Variants in VPS13C observed in about 807,000 individuals in gnomAD.
VPS13C encodes the protein intermembrane lipid transfer protein VPS13C.
Under a neutral mutation model 456.8 loss-of-function variants are expected in VPS13C, and 358 were observed. That is an observed-to-expected ratio of 0.78 (90% CI 0.72 to 0.86). The LOEUF (loss-of-function observed/expected upper bound fraction) is 0.86, where lower values mean the gene tolerates loss of function less well. Among genes scored for constraint, VPS13C ranks in the 40% least tolerant of loss-of-function variants. The probability of loss-of-function intolerance (pLI) is 0.00; values close to 1 mark genes in which losing one functional copy is unlikely to be tolerated. For missense variants in VPS13C, 4,818 were observed against 4,385.4 expected, an observed-to-expected ratio of 1.10 and a Z score of -2.79; for synonymous variants, 1,578 against 1,486.7, an observed-to-expected ratio of 1.06 and a Z score of -1.41.
At chr15:61,961,394 AACACACACACACACACACACACAC>A (rs66786972) in intron 35 of VPS13C, among the ~76,000 whole-genome samples, 171 bp downstream of exon 35, 2 of 132,614 alleles carry the variant, frequency 1.5e-5, no homozygotes, top group African/African-American at 5.9e-5. Context: ...TCCAACTCAA[AACACACACACACACACACACACAC>A]ACACACACAC....
chr15:62,035,914 C>T (rs774106908), intron 3 of VPS13C, among the ~76,000 whole-genome samples: 1 of 151,934 alleles, frequency 6.6e-6, no homozygotes, highest in Non-Finnish European at 1.5e-5. Context: ...TCAGGGAAGA[C>T]AAGAGAAGAC....
At position 61,991,029 on chromosome 15, in the gene VPS13C, T is replaced by A; in HGVS notation, c.1549A>T (p.Ser517Cys). ...TTAGGTAAAGTTAGGTTGTGGGTAC[T>A]CTCACTATAACCAATGGCAGTGAAG... ...KLFTAIGYSE[S>C]THNLTLPKQY... Residue 517 changes from serine (S) to cysteine (C), a missense_variant, in exon 18 of 85, where the codon AGT becomes TGT. Physicochemically the swap from Ser to Cys is moderately radical, Grantham distance 112. Coordinates refer to ENST00000644861, the MANE Select transcript of VPS13C (RefSeq NM_020821.3). The A allele has an allele frequency of 6.2e-7, 1 of 1,612,820 alleles. No individual in the cohort carries two copies. Among genetic ancestry groups the A allele is most frequent in the Non-Finnish European group, 8.5e-7 (1 of 1,179,508 alleles).
chr15:61,975,266 A>C (rs2045671089), intron 24 of VPS13C, among the ~76,000 whole-genome samples: 1 of 152,148 alleles, frequency 6.6e-6, no homozygotes. Context: ...AAAAGAAAGA[A>C]ATAATAAATA....
At position 61,855,008 on chromosome 15, in the gene VPS13C, T is replaced by A. The variant is rs2241492; in HGVS notation, c.11077-54A>T. Reference sequence around the variant, plus strand: ...GAAATTATTCTGAGGAAGAAAAAAATTCCTAACTTTTAATTGTATACTTAA... The same window carrying A: ...GAAATTATTCTGAGGAAGAAAAAAAATCCTAACTTTTAATTGTATACTTAA... On this transcript the variant is annotated intron_variant, in intron 83 of 84. Coordinates refer to ENST00000644861, the MANE Select transcript of VPS13C (RefSeq NM_020821.3). The A allele has an allele frequency of 0.38, 557,091 of 1,469,650 alleles. 106,267 individuals are homozygous for A. Among genetic ancestry groups the A allele is most frequent in the Admixed American group, 0.45 (18,720 of 41,748 alleles). The allele number at this position is 1,469,650 out of a possible 1,614,324, so 91.0% of individuals were successfully genotyped here.
chr15:62,033,235 C>T (rs756677474), intron 5 of VPS13C, among the ~76,000 whole-genome samples: 15 of 151,210 alleles, frequency 9.9e-5, no homozygotes, highest in African/African-American at 9.7e-5. Context: ...ATCAAATTGG[C>T]AACATGATAA....
At chr15:61,941,676 A>C (rs2140258989) in intron 46 of VPS13C, 87 bp downstream of exon 46, 1 of 1,397,848 alleles carries the variant, frequency 7.2e-7, no homozygotes, top group African/African-American at 1.4e-5. Context: ...GAAAACCACA[A>C]ATTACTACAA....
intron 78 of VPS13C, among the ~76,000 whole-genome samples, chr15:61,872,481 G>A (rs1369593951): frequency 6.6e-6 from 1 of 151,874 alleles, no homozygotes; most frequent in Non-Finnish European, 1.5e-5. Context: ...GCCCTCCCAG[G>A]GACAGGTAAT....
At chr15:61,933,895 A>T (rs932898078) in intron 49 of VPS13C, among the ~76,000 whole-genome samples, 1 of 152,058 alleles carries the variant, frequency 6.6e-6, no homozygotes, top group Non-Finnish European at 1.5e-5. Context: ...ACATATATAT[A>T]TAGCTATGTA....
In VPS13C at chr15:61,860,503, T is replaced by C. The variant is rs558249169; in HGVS notation, c.10952+2937A>G. ...CTTTTAAAATTTTATTCTAATAAAA[T>C]AATAGAAAAAGATTTGGTTACAAAT... On this transcript the variant is annotated intron_variant, in intron 82 of 84. Transcript: ENST00000644861. 1.6e-4 allele frequency among the ~76,000 whole-genome samples: 24 copies of C among 152,172 alleles called. 1 individual carries two copies. The South Asian group carries it at 3.9e-3, about 25-fold the overall frequency.
intron 82 of VPS13C, among the ~76,000 whole-genome samples, chr15:61,857,005 G>A (rs1183179655): frequency 6.6e-6 from 1 of 151,366 alleles, no homozygotes; most frequent in Non-Finnish European, 1.5e-5. Context: ...TTACTCAATG[G>A]CAATAAAAAA....
intron 66 of VPS13C, among the ~76,000 whole-genome samples, chr15:61,897,016 C>T (rs2042843153): frequency 6.6e-6 from 1 of 152,058 alleles, no homozygotes; most frequent in South Asian, 2.1e-4. Context: ...CGGCAGGGTA[C>T]TCCAACAGAC....
intron 1 of VPS13C, among the ~76,000 whole-genome samples, chr15:62,047,876 C>T (rs934664277): frequency 1.3e-5 from 2 of 152,112 alleles, no homozygotes; most frequent in African/African-American, 2.4e-5. Flanking sequence ...AAAAATCAAC[C>T]ATTTTATATT....
rs143440944 is a variant in VPS13C, at chr15:61,854,917, T to C, written c.11114A>G (p.Gln3705Arg). ...GLFHKKDSAN[Q>R]GCVRKVYLKD... ...CAGGTAAACTTTTCGAACACAGCCT[T>C]GATTGGCACTGTCTTTTTTGTGGAA... The change falls in exon 84 of 85, where the codon CAA (glutamine) becomes CGA (arginine). Residue 3705 changes from glutamine to arginine, a missense_variant. By Grantham distance (43) the Gln-to-Arg change is conservative. Transcript: ENST00000644861. 94 of 1,613,502 alleles carry C rather than the reference T, an allele frequency of 5.8e-5. No homozygotes were observed. Among genetic ancestry groups the C allele is most frequent in the Middle Eastern group, 5.0e-4 (3 of 6,056 alleles).
intron 81 of VPS13C, 115 bp downstream of exon 81, chr15:61,868,544 G>A (rs1894759640): frequency 3.7e-6 from 3 of 802,176 alleles, no homozygotes; most frequent in African/African-American, 1.7e-5. Flanking sequence ...TAGAAACTAT[G>A]TATAATACTT....
rs1305251499 is a variant in VPS13C at position 61,884,191 on chromosome 15, T to C, written c.9420A>G (p.Gln3140=). The C allele has an allele frequency of 3.1e-6, 5 of 1,610,660 alleles. No individual in the cohort carries two copies. In the South Asian group the frequency reaches 4.4e-5, roughly 14 times the overall value. ...FSQKQIILLE[Q]SYQKHQISRD... Reference sequence around the variant, plus strand: ...TTGATATTTGATGTTTCTGATAGGATTGTTCCAATAAGATTATCTGCTTTT... The same window carrying C: ...TTGATATTTGATGTTTCTGATAGGACTGTTCCAATAAGATTATCTGCTTTT... The change falls in exon 68 of 85, where the codon CAA becomes CAG. Residue 3140 remains glutamine, a synonymous_variant. Coordinates refer to ENST00000644861, the MANE Select transcript of VPS13C (RefSeq NM_020821.3).
intron 66 of VPS13C, among the ~76,000 whole-genome samples, chr15:61,903,652 C>A (rs780587309): frequency 6.6e-6 from 1 of 152,066 alleles, no homozygotes; most frequent in Non-Finnish European, 1.5e-5. Context: ...ACAGAGAAAA[C>A]CTAAAATTCA....
chr15:61,858,370 C>G lies in VPS13C; in HGVS notation c.10953-1961G>C, dbSNP rs1314811156. On this transcript the variant is annotated intron_variant, in intron 82 of 84. Transcript: ENST00000644861. The surrounding 1 kb of genome is among the most constrained non-coding windows in gnomAD (Gnocchi z 4.4). ...TCTATCTATCTATCTATCTGTCTAT[C>G]TATCTCCCTCCCTCCCTATCATGTA... Among the ~76,000 whole-genome samples, 2 of 151,958 alleles carry G rather than the reference C, an allele frequency of 1.3e-5. No homozygotes were observed. Among genetic ancestry groups the G allele is most frequent in the Non-Finnish European group, 2.9e-5 (2 of 67,992 alleles).
At chr15:61,897,728 T>C (rs976799954) in intron 66 of VPS13C, among the ~76,000 whole-genome samples, 2 of 151,948 alleles carry the variant, frequency 1.3e-5, no homozygotes, top group African/African-American at 2.4e-5. Flanking sequence ...CAGGCCAACG[T>C]TCAGATACAG....
chr15:61,981,565 T>G, intron 21 of VPS13C, 87 bp from the exon 22 acceptor site: 1 of 1,380,292 alleles, frequency 7.2e-7, no homozygotes, highest in Non-Finnish European at 9.6e-7. Flanking sequence ...GAGTTTTACT[T>G]GAAAAGTATT....
Sources: allele counts gnomAD v4.1 joint callset (sites outside exome capture counted in the v4.1 genomes callset), GRCh38; gene constraint gnomAD v4.1.1; non-coding constraint Gnocchi (gnomAD v3.1); transcripts MANE v1.5; gene names NCBI Gene and HGNC (gene_info 2026-07-23, HGNC 2026-07-21).